The following CC2D2A variants were observed in gnomAD, a reference collection of about 807,000 sequenced individuals.
CC2D2A encodes coiled-coil and C2 domain-containing protein 2A.
In CC2D2A, 155 loss-of-function variants were observed where a neutral mutation model predicts 212.9. That is an observed-to-expected ratio of 0.73 (90% CI 0.64 to 0.83). The LOEUF is 0.83. Ranked by LOEUF, CC2D2A falls within the 40% of genes least tolerant of loss-of-function variation. CC2D2A has a pLI of 0.00. For missense variants in CC2D2A, 1,856 were observed against 1,956.2 expected, an observed-to-expected ratio of 0.95 and a Z score of 0.97; for synonymous variants, 667 against 686.5, an observed-to-expected ratio of 0.97 and a Z score of 0.44.
chr4:15,526,632 G>A (rs1212858868), intron 11 of CC2D2A, among the ~76,000 whole-genome samples: 1 of 152,076 alleles, frequency 6.6e-6, no homozygotes, highest in East Asian at 1.9e-4. Context: ...CTGCAAAAAG[G>A]AAGGATCAAG....
intron 30 of CC2D2A, among the ~76,000 whole-genome samples, chr4:15,581,459 A>G (rs777177900): frequency 3.3e-5 from 5 of 152,252 alleles, no homozygotes; most frequent in Non-Finnish European, 7.3e-5. Flanking sequence ...CTCTCAGGTC[A>G]TCTGATAATT....
Position 15,514,800 on chromosome 4 carries a change from G to A in CC2D2A, c.811G>A (p.Asp271Asn), listed in dbSNP as rs757419793. 6.2e-7 allele frequency: 1 copy of A among 1,613,942 alleles called. No homozygotes were observed. The highest frequency in any genetic ancestry group is 1.7e-5 in the Admixed American group (1 of 60,026). Residue 271 changes from aspartate (D) to asparagine (N), a missense_variant, in exon 9 of 37, where the codon GAT becomes AAT. Transcript: ENST00000424120. ...CGATTTTGTAGCAGTCAGACCTGCAGATTATGAAAGCATCCATGATCGGCT... is the reference window on the plus strand; with the variant it reads ...CGATTTTGTAGCAGTCAGACCTGCAAATTATGAAAGCATCCATGATCGGCT... ...ADDFVAVRPA[D>N]YESIHDRLQM... is the part of the protein sequence containing the mutation.
intron 18 of CC2D2A, 60 bp downstream of exon 18, chr4:15,551,040 A>G (rs1022164088): frequency 3.8e-6 from 5 of 1,305,636 alleles, no homozygotes; most frequent in Admixed American, 2.0e-5. Flanking sequence ...GAATGTGTAT[A>G]TATCTATTTC....
intron 1 of CC2D2A, among the ~76,000 whole-genome samples, chr4:15,472,125 A>G (rs1245359923): frequency 1.3e-5 from 2 of 152,224 alleles, no homozygotes; most frequent in South Asian, 2.1e-4. Context: ...ATGGAGGGGT[A>G]GAGTGGAGTG....
intron 4 of CC2D2A, among the ~76,000 whole-genome samples, chr4:15,500,462 C>T (rs1013181377): frequency 1.3e-5 from 2 of 152,016 alleles, no homozygotes; most frequent in Non-Finnish European, 2.9e-5. Flanking sequence ...TAAAAGAATG[C>T]CAAAGGCCAT....
At chr4:15,491,486 C>A (rs979796987) in intron 4 of CC2D2A, among the ~76,000 whole-genome samples, 2 of 152,210 alleles carry the variant, frequency 1.3e-5, no homozygotes, top group African/African-American at 4.8e-5. Flanking sequence ...CTCACTGCAA[C>A]CTCCACCTCC....
chr4:15,561,044 G>A (rs1719569945), intron 23 of CC2D2A, among the ~76,000 whole-genome samples: 1 of 152,198 alleles, frequency 6.6e-6, no homozygotes, highest in African/African-American at 2.4e-5. Context: ...CTTCTGGGGT[G>A]GACGAGGAAA....
At chr4:15,484,974 C>T (rs943690497) in intron 4 of CC2D2A, among the ~76,000 whole-genome samples, 3 of 152,158 alleles carry the variant, frequency 2.0e-5, no homozygotes, top group Admixed American at 6.5e-5. Flanking sequence ...CACTCATCAC[C>T]TCCCGGCATT....
intron 4 of CC2D2A, among the ~76,000 whole-genome samples, chr4:15,499,692 A>C (rs1392167033): frequency 2.0e-5 from 3 of 152,206 alleles, no homozygotes; most frequent in East Asian, 3.8e-4. Flanking sequence ...GAGGGGGTAA[A>C]TAAGATTATT....
chr4:15,479,210 G>A, intron 3 of CC2D2A: 1 of 1,534,016 alleles, frequency 6.5e-7, no homozygotes, highest in East Asian at 2.4e-5. Context: ...CCCAAATTCT[G>A]TCTTTGAGGC....
intron 19 of CC2D2A, 128 bp from the exon 20 acceptor site, chr4:15,554,944 C>A: frequency 1.1e-6 from 1 of 908,594 alleles, no homozygotes; most frequent in Non-Finnish European, 1.7e-6. Context: ...AAAATCCTTC[C>A]TTATGATAAC....
intron 24 of CC2D2A, among the ~76,000 whole-genome samples, chr4:15,565,745 A>C (rs936838873): frequency 6.6e-6 from 1 of 152,128 alleles, no homozygotes; most frequent in African/African-American, 2.4e-5. Context: ...AGTAGCTAAG[A>C]CTACAGGTAC....
intron 4 of CC2D2A, chr4:15,492,682 C>G: frequency 3.1e-6 from 2 of 637,540 alleles, no homozygotes; most frequent in Non-Finnish European, 5.7e-6. Context: ...GGGTCTCTCT[C>G]TTCCTTTCGT....
intron 29 of CC2D2A, among the ~76,000 whole-genome samples, chr4:15,576,998 T>C (rs1720443849): frequency 6.6e-6 from 1 of 152,176 alleles, no homozygotes; most frequent in Non-Finnish European, 1.5e-5. Context: ...TTTTTTGTTG[T>C]TGTTTTTTGT....
chr4:15,500,056 G>A (rs1005357458), intron 4 of CC2D2A, among the ~76,000 whole-genome samples: 22 of 149,080 alleles, frequency 1.5e-4, no homozygotes, highest in African/African-American at 5.2e-4. Flanking sequence ...ATGATAAAGT[G>A]TACTTACACA....
rs538576865 is a variant in CC2D2A, at chr4:15,529,865, TA to T, written c.1466+1140del. Reference sequence around the variant, plus strand: ...CTCCATTTATTTATTTAGGTCTTTTTATTTTTTTATTTATTTTTTAAATTTT... The same window carrying T: ...CTCCATTTATTTATTTAGGTCTTTTTTTTTTTTATTTATTTTTTAAATTTT... On this transcript the variant is annotated intron_variant, in intron 13 of 36. Transcript: ENST00000424120. 3.7e-4 allele frequency among the ~76,000 whole-genome samples: 55 copies of T among 149,376 alleles called. 1 individual carries two copies. Among genetic ancestry groups the T allele is most frequent in the African/African-American group, 1.3e-3 (55 of 41,308 alleles).
chr4:15,478,702 C>G (rs546369496), intron 2 of CC2D2A, 21 bp from the exon 3 acceptor site: 10 of 1,531,564 alleles, frequency 6.5e-6, no homozygotes, highest in Non-Finnish European at 7.1e-6. Context: ...AAGATTCTCT[C>G]CCTTTTGCAT....
rs956385713 is a variant in CC2D2A at position 15,504,946 on chromosome 4, G to A, written c.438+2023G>A. ...TGAACTTCAGCTGACCAGGGCTAAA[G>A]GCTGCCGACCTCACTCACTAGTGAT... On this transcript the variant is annotated intron_variant, in intron 6 of 36. Coordinates refer to ENST00000424120, the MANE Select transcript of CC2D2A (RefSeq NM_001378615.1). 1.3e-5 allele frequency among the ~76,000 whole-genome samples: 2 copies of A among 152,198 alleles called. 1 individual carries two copies. Among genetic ancestry groups the A allele is most frequent in the South Asian group, 4.1e-4 (2 of 4,824 alleles).
At chr4:15,513,499 C>T (rs1432471833) in intron 8 of CC2D2A, among the ~76,000 whole-genome samples, 1 of 152,212 alleles carries the variant, frequency 6.6e-6, no homozygotes, top group Non-Finnish European at 1.5e-5. Flanking sequence ...TTCACTGCCC[C>T]AGAAGCTCTG....
Sources: allele counts gnomAD v4.1 joint callset (sites outside exome capture counted in the v4.1 genomes callset), GRCh38; gene constraint gnomAD v4.1.1; transcripts MANE v1.5; gene names NCBI Gene and HGNC (gene_info 2026-07-23, HGNC 2026-07-21).